NTM: variants seen among roughly 807,000 people sequenced by gnomAD.
NTM encodes the protein neurotrimin.
Under a neutral mutation model 42.1 loss-of-function variants are expected in NTM, and 13 were observed. The observed-to-expected ratio is 0.31, with a 90% CI of 0.20 to 0.49. The LOEUF (loss-of-function observed/expected upper bound fraction) is 0.49, where lower values mean the gene tolerates loss of function less well. Ranked by LOEUF, NTM falls within the 20% of genes least tolerant of loss-of-function variation. NTM has a pLI of 0.99. For missense variants in NTM, 373 were observed against 452.8 expected (o/e 0.82, Z 1.60); for synonymous variants, 187 against 179.2 (o/e 1.04, Z -0.35).
intron 2 of NTM, among the ~76,000 whole-genome samples, chr11:132,005,335 C>T (rs1490094234): frequency 6.6e-6 from 1 of 152,194 alleles, no homozygotes; most frequent in Non-Finnish European, 1.5e-5. Context: ...AGGTAAGACA[C>T]ATTTTCTGAG....
At chr11:131,998,012 G>T (rs1297575207) in intron 2 of NTM, among the ~76,000 whole-genome samples, 1 of 150,210 alleles carries the variant, frequency 6.7e-6, no homozygotes, top group Admixed American at 6.7e-5. Context: ...ACCCACCTTT[G>T]CTCAAGGCAA....
intron 1 of NTM, among the ~76,000 whole-genome samples, chr11:131,547,943 C>A (rs770424182): frequency 6.6e-6 from 1 of 152,034 alleles, no homozygotes; most frequent in Non-Finnish European, 1.5e-5. Flanking sequence ...AGGAGGCGTC[C>A]GAATAAGATT....
intron 1 of NTM, among the ~76,000 whole-genome samples, chr11:131,672,246 C>G (rs573921817): frequency 6.6e-6 from 1 of 152,192 alleles, no homozygotes; most frequent in East Asian, 1.9e-4. Context: ...GGGGAGGCCT[C>G]AAAGCATAGC....
At chr11:131,638,044 C>A (rs1253706729) in intron 1 of NTM, among the ~76,000 whole-genome samples, 1 of 152,112 alleles carries the variant, frequency 6.6e-6, no homozygotes, top group Non-Finnish European at 1.5e-5. Flanking sequence ...GTAACACAAG[C>A]CTTAATGTTG....
intron 2 of NTM, among the ~76,000 whole-genome samples, chr11:131,942,756 G>A (rs2059932849): frequency 1.3e-5 from 2 of 152,062 alleles, no homozygotes; most frequent in Middle Eastern, 3.4e-3. Context: ...GACCAGCCTG[G>A]CCCACATGGT....
intron 1 of NTM, among the ~76,000 whole-genome samples, chr11:131,489,051 G>C (rs368889850): frequency 1.3e-5 from 2 of 152,226 alleles, no homozygotes; most frequent in South Asian, 2.1e-4. Context: ...CTCTGCCTCT[G>C]TGAGGGTTCT....
chr11:131,855,813 C>T (rs926193675), intron 1 of NTM, among the ~76,000 whole-genome samples: 1 of 152,142 alleles, frequency 6.6e-6, no homozygotes, highest in African/African-American at 2.4e-5. Context: ...ATCAGAGACC[C>T]CCACCTCCCT....
intron 2 of NTM, among the ~76,000 whole-genome samples, chr11:132,090,682 C>T (rs2060271833): frequency 6.7e-6 from 1 of 148,934 alleles, no homozygotes; most frequent in East Asian, 1.9e-4. Context: ...TACACCCTTT[C>T]TTCACTTTCT....
At chr11:131,642,387 T>A (rs552035793) in intron 1 of NTM, among the ~76,000 whole-genome samples, 2 of 152,166 alleles carry the variant, frequency 1.3e-5, no homozygotes, top group Non-Finnish European at 2.9e-5. Context: ...TTTGGGGAAG[T>A]GGGAGAAGCA....
chr11:132,060,446 C>T (rs192236316), intron 2 of NTM, among the ~76,000 whole-genome samples: 82 of 129,470 alleles, frequency 6.3e-4, no homozygotes, highest in African/African-American at 2.0e-3. Context: ...GAGGTTGTAT[C>T]CACATTTAAT....
At chr11:131,793,787 G>A (rs2091238098) in intron 1 of NTM, among the ~76,000 whole-genome samples, 1 of 152,276 alleles carries the variant, frequency 6.6e-6, no homozygotes, top group South Asian at 2.1e-4. Flanking sequence ...GGTTGAAAAT[G>A]TTGAGGCCTG....
intron 7 of NTM, among the ~76,000 whole-genome samples, chr11:132,325,805 G>C (rs1278309621): frequency 6.6e-6 from 1 of 152,142 alleles, no homozygotes; most frequent in African/African-American, 2.4e-5. Flanking sequence ...AAGAAAATGT[G>C]GCACATATAC....
rs191024656 is a variant in NTM at position 131,421,609 on chromosome 11, A to C, written c.82+50721A>C. The stretch of plus-strand genomic sequence containing the variant: ...TCCCTAAGGGCCCATGGAGGAGATG[A>C]CGGGGAGGTGACGTGGGTCAAGATT... On this transcript the variant is annotated intron_variant, in intron 1 of 8. Transcript: ENST00000683400. 4.6e-5 allele frequency among the ~76,000 whole-genome samples: 7 copies of C among 152,288 alleles called. No individual in the cohort carries two copies. In the East Asian group the frequency reaches 1.4e-3, roughly 29 times the overall value.
intron 2 of NTM, among the ~76,000 whole-genome samples, chr11:132,132,954 T>C (rs2067099502): frequency 6.6e-6 from 1 of 152,176 alleles, no homozygotes; most frequent in Non-Finnish European, 1.5e-5. Context: ...TGTCAAGCTT[T>C]CAAAATGTTC....
At chr11:131,442,490 G>A (rs920363082) in intron 1 of NTM, among the ~76,000 whole-genome samples, 3 of 152,146 alleles carry the variant, frequency 2.0e-5, no homozygotes, top group African/African-American at 7.2e-5. Context: ...CATAATGACA[G>A]GGATTGGGCT....
intron 1 of NTM, among the ~76,000 whole-genome samples, chr11:131,389,674 A>C (rs988150718): frequency 1.3e-5 from 2 of 152,326 alleles, no homozygotes; most frequent in Non-Finnish European, 2.9e-5. Context: ...ATTATTGAAA[A>C]ATTAGAAACT....
At chr11:131,430,123 T>C (rs996606742) in intron 1 of NTM, among the ~76,000 whole-genome samples, 86 of 152,358 alleles carry the variant, frequency 5.6e-4, no homozygotes, top group African/African-American at 1.9e-3. Flanking sequence ...ATCAACCATG[T>C]TCACTCACAG....
At chr11:131,436,034 A>G (rs1949097641) in intron 1 of NTM, among the ~76,000 whole-genome samples, 1 of 152,164 alleles carries the variant, frequency 6.6e-6, no homozygotes, top group African/African-American at 2.4e-5. Context: ...TTCTGCATCT[A>G]TTGAGATAAT....
intron 1 of NTM, among the ~76,000 whole-genome samples, chr11:131,562,441 G>T (rs529135054): frequency 6.6e-6 from 1 of 152,236 alleles, no homozygotes; most frequent in African/African-American, 2.4e-5. Context: ...TGGGGAATTC[G>T]CTGATGGTAT....
Sources: allele counts gnomAD v4.1 joint callset (sites outside exome capture counted in the v4.1 genomes callset), GRCh38; gene constraint gnomAD v4.1.1; transcripts MANE v1.5; gene names NCBI Gene and HGNC (gene_info 2026-07-23, HGNC 2026-07-21).